Variants in RAB31 observed in about 807,000 individuals in gnomAD.
RAB31 encodes ras-related protein Rab-31.
RAB31 carries 21 observed loss-of-function variants against 25.6 expected under a neutral mutation model. That is an observed-to-expected ratio of 0.82 (90% CI 0.58 to 1.18). The LOEUF (loss-of-function observed/expected upper bound fraction) is 1.18. RAB31 is among the 50% of genes most tolerant of loss of function. The pLI, the probability that RAB31 is intolerant of heterozygous loss-of-function variation, is 0.00. For synonymous variants in RAB31, 87 were observed against 84.0 expected, an observed-to-expected ratio of 1.04 and a Z score of -0.20; for missense variants, 196 against 250.1, an observed-to-expected ratio of 0.78 and a Z score of 1.46.
intron 5 of RAB31, among the ~76,000 whole-genome samples, chr18:9,817,494 C>G (rs1202776773): frequency 1.3e-5 from 2 of 152,142 alleles, no homozygotes; most frequent in East Asian, 1.9e-4. Context: ...GCCTGGCATT[C>G]TCTTCGTTTC....
At chr18:9,845,400 G>C (rs1418577023) in intron 5 of RAB31, among the ~76,000 whole-genome samples, 182 bp from the exon 6 acceptor site, 2 of 152,210 alleles carry the variant, frequency 1.3e-5, no homozygotes, top group Non-Finnish European at 2.9e-5. Flanking sequence ...GAATGCCAGA[G>C]ACTGGGTTTT....
In RAB31 at chr18:9,766,372, A is replaced by G. The variant is rs181071128; in HGVS notation, c.40-8906A>G. ...CAAGCGTGGCACTGCCCTCATTACTATGCACTGCCTTCGCTTGCAGGCATC... is the reference window on the plus strand; with the variant it reads ...CAAGCGTGGCACTGCCCTCATTACTGTGCACTGCCTTCGCTTGCAGGCATC... On this transcript the variant is annotated intron_variant, in intron 1 of 6. Transcript: ENST00000578921. The surrounding 1 kb of genome is among the most constrained non-coding windows in gnomAD (Gnocchi z 4.3). 1.0e-3 allele frequency among the ~76,000 whole-genome samples: 151 copies of G among 149,298 alleles called. No individual in the cohort carries two copies. Among genetic ancestry groups the G allele is most frequent in the African/African-American group, 3.4e-3 (140 of 41,066 alleles).
Position 9,708,687 on chromosome 18 carries a change from C to A in RAB31, c.39+243C>A, listed in dbSNP as rs2067999405. On this transcript the variant is annotated intron_variant, in intron 1 of 6. Transcript: ENST00000578921. The surrounding 1 kb of genome is among the most constrained non-coding windows in gnomAD (Gnocchi z 6.4). ...CCCCGCCTGTTCTCCGCCTCCCCGC[C>A]GTCCGTGCGCCCCTCTGGTCCGCCC... Among the ~76,000 whole-genome samples the A allele has an allele frequency of 6.6e-6, 1 of 151,724 alleles. No individual in the cohort carries two copies. The highest frequency in any genetic ancestry group is 2.4e-5 in the African/African-American group (1 of 41,288).
intron 2 of RAB31, among the ~76,000 whole-genome samples, chr18:9,780,917 AGAGT>A (rs1358647959): frequency 1.3e-5 from 2 of 151,744 alleles, no homozygotes; most frequent in Non-Finnish European, 2.9e-5. Context: ...GGTGACAGAC[AGAGT>A]GAGACTCTTG....
chr18:9,727,857 A>G (rs2145462809), intron 1 of RAB31, among the ~76,000 whole-genome samples: 1 of 152,382 alleles, frequency 6.6e-6, no homozygotes, highest in East Asian at 1.9e-4. Context: ...GATTGTATAC[A>G]TTATGAAATG....
intron 5 of RAB31, among the ~76,000 whole-genome samples, chr18:9,838,874 C>A (rs937996630): frequency 1.3e-5 from 2 of 152,148 alleles, no homozygotes; most frequent in African/African-American, 4.8e-5. Flanking sequence ...CCTCTTGTCC[C>A]GGATCTTTTC....
intron 6 of RAB31, among the ~76,000 whole-genome samples, chr18:9,850,726 C>T (rs2068784926): frequency 6.6e-6 from 1 of 152,114 alleles, no homozygotes; most frequent in Non-Finnish European, 1.5e-5. Flanking sequence ...AATATATGGG[C>T]ATGGCGGTGT....
In RAB31 at chr18:9,860,661, T is replaced by C. The variant is rs1320385440; in HGVS notation, c.*1336T>C. The stretch of plus-strand genomic sequence containing the variant: ...CAGGGCTTATATTAGGGGGTGATTC[T>C]TAAAGGACATTAGGATTGGTGCTCA... On this transcript the variant is annotated 3_prime_UTR_variant, in exon 7 of 7. Coordinates refer to ENST00000578921, the MANE Select transcript of RAB31 (RefSeq NM_006868.4). 6.6e-6 allele frequency: 1 copy of C among 152,186 alleles called. No individual in the cohort carries two copies. Among genetic ancestry groups the C allele is most frequent in the Non-Finnish European group, 1.5e-5 (1 of 68,030 alleles). 9.4% of individuals were successfully genotyped at this position (152,186 alleles called of 1,614,324 possible). A position where few individuals can be genotyped will look rare whatever the true frequency, so the allele number is the denominator to read the frequency against.
intron 5 of RAB31, among the ~76,000 whole-genome samples, chr18:9,821,569 C>G (rs535711983): frequency 6.6e-6 from 1 of 151,954 alleles, no homozygotes; most frequent in Non-Finnish European, 1.5e-5. Flanking sequence ...AAGAATCTAC[C>G]AAAAAAGTTC....
intron 6 of RAB31, among the ~76,000 whole-genome samples, chr18:9,858,628 A>G (rs1391905085): frequency 6.6e-6 from 1 of 152,172 alleles, no homozygotes; most frequent in Non-Finnish European, 1.5e-5. Flanking sequence ...TAAAAATAAG[A>G]TTACTTGTGG....
rs189137632 is a variant in RAB31 at position 9,807,691 on chromosome 18, C to A, written c.202-6329C>A. On this transcript the variant is annotated intron_variant, in intron 3 of 6. Coordinates refer to ENST00000578921, the MANE Select transcript of RAB31 (RefSeq NM_006868.4). ...ATTGTCTTTTAAAAAAACACTAATC[C>A]AGCGGGGTGCAGTGGCTCATGCCTT... Among the ~76,000 whole-genome samples the A allele has an allele frequency of 3.5e-4, 53 of 152,134 alleles. 1 individual carries two copies. The East Asian group carries it at 8.9e-3, about 25-fold the overall frequency.
chr18:9,709,711 C>G (rs961024096), intron 1 of RAB31, among the ~76,000 whole-genome samples: 4 of 152,208 alleles, frequency 2.6e-5, no homozygotes, highest in African/African-American at 7.2e-5. Flanking sequence ...TAGCCCCTGG[C>G]ACAGATCCGC....
At chr18:9,750,773 A>G (rs553836454) in intron 1 of RAB31, among the ~76,000 whole-genome samples, 5 of 152,304 alleles carry the variant, frequency 3.3e-5, no homozygotes, top group South Asian at 2.1e-4. Flanking sequence ...GTGAAGAAAC[A>G]TACTTCCTTT....
chr18:9,800,828 C>T (rs1568182414), intron 3 of RAB31, among the ~76,000 whole-genome samples: 1 of 152,138 alleles, frequency 6.6e-6, no homozygotes, highest in Admixed American at 6.5e-5. Flanking sequence ...ATCCGATTCA[C>T]GTACCATACA....
At position 9,775,323 on chromosome 18, in the gene RAB31, G is replaced by C. The variant is rs2068366401; in HGVS notation, c.85G>C (p.Asp29His). The part of the protein sequence containing the change: ...KSSIVCRFVQ[D>H]HFDHNISPTI... ...AAGCATCGTGTGTCGATTTGTCCAG[G>C]ATCACTTTGACCACAACATCAGCCC... The change falls in exon 2 of 7, where the codon GAT becomes CAT. Residue 29 changes from aspartate (D) to histidine (H), a missense_variant. Physicochemically the swap from Asp to His is moderately conservative, Grantham distance 81 (BLOSUM62 -1). Transcript: ENST00000578921. The C allele has an allele frequency of 1.9e-6, 3 of 1,613,706 alleles. No individual in the cohort carries two copies. Among genetic ancestry groups the C allele is most frequent in the East Asian group, 2.2e-5 (1 of 44,892 alleles).
At chr18:9,775,442 G>T (rs2068367409) in intron 2 of RAB31, 85 bp downstream of exon 2, 4 of 1,577,342 alleles carry the variant, frequency 2.5e-6, no homozygotes, top group East Asian at 2.3e-5. Context: ...GAGCCTTCAG[G>T]CAGGGCCACA....
intron 2 of RAB31, 29 bp downstream of exon 2, chr18:9,775,386 C>T (rs777550999): frequency 1.4e-5 from 22 of 1,612,700 alleles, no homozygotes; most frequent in East Asian, 1.3e-4. Flanking sequence ...TTCTCCTTCG[C>T]GTTGCTTCCT....
chr18:9,833,958 A>T (rs778262115), intron 5 of RAB31, among the ~76,000 whole-genome samples: 23 of 152,178 alleles, frequency 1.5e-4, no homozygotes, highest in Non-Finnish European at 3.2e-4. Context: ...CAATCCCTTC[A>T]TGCTTTTTAT....
At chr18:9,813,114 G>A (rs983643634) in intron 3 of RAB31, among the ~76,000 whole-genome samples, 4 of 152,206 alleles carry the variant, frequency 2.6e-5, no homozygotes, top group South Asian at 4.1e-4. Flanking sequence ...GGGGATGAAC[G>A]ATGCTAGTGA....
Sources: gnomAD v4.1 joint callset for allele counts (sites outside exome capture counted in the v4.1 genomes callset) on GRCh38, gnomAD v4.1.1 for gene constraint, Gnocchi (gnomAD v3.1) non-coding constraint, MANE v1.5 for transcripts, NCBI Gene and HGNC (gene_info 2026-07-23, HGNC 2026-07-21) for gene names.